Variants in DYM observed in about 807,000 individuals in gnomAD.
The protein encoded by DYM is dyggve-Melchior-Clausen syndrome protein.
DYM carries 78 observed loss-of-function variants against 93.1 expected under a neutral mutation model. The observed-to-expected ratio is 0.84, with a 90% CI of 0.70 to 1.01. The LOEUF is 1.01. Among genes scored for constraint, DYM ranks in the 50% least tolerant of loss-of-function variants. The probability of loss-of-function intolerance (pLI) is 0.00; values close to 1 mark genes in which losing one functional copy is unlikely to be tolerated. For missense variants in DYM, 789 were observed against 845.0 expected, an observed-to-expected ratio of 0.93 and a Z score of 0.82; for synonymous variants, 321 against 319.7, an observed-to-expected ratio of 1.00 and a Z score of -0.04.
At chr18:49,212,297 A>T (rs561911842) in intron 13 of DYM, among the ~76,000 whole-genome samples, 47 of 152,176 alleles carry the variant, frequency 3.1e-4, no homozygotes, top group Non-Finnish European at 6.6e-4. Context: ...TATCAATGTT[A>T]ATTTCCTGAT....
intron 6 of DYM, among the ~76,000 whole-genome samples, chr18:49,338,303 G>A (rs2063821377): frequency 6.6e-6 from 1 of 152,194 alleles, no homozygotes; most frequent in African/African-American, 2.4e-5. Flanking sequence ...GGACACAGTG[G>A]ATGATCTGAA....
chr18:49,114,184 T>C (rs1373391474), intron 16 of DYM, among the ~76,000 whole-genome samples: 1 of 152,258 alleles, frequency 6.6e-6, no homozygotes, highest in Non-Finnish European at 1.5e-5. Flanking sequence ...ATCTTTATTT[T>C]CTTATCTGTA....
intron 1 of DYM, among the ~76,000 whole-genome samples, chr18:49,440,895 A>ATATAATAT (rs2081332791): frequency 2.2e-5 from 1 of 45,348 alleles, no homozygotes; most frequent in African/African-American, 9.3e-5. Context: ...TATATAATAT[A>ATATAATAT]TTTATATAAA....
At chr18:49,339,187 C>T (rs1394236272) in intron 6 of DYM, among the ~76,000 whole-genome samples, 2 of 152,198 alleles carry the variant, frequency 1.3e-5, no homozygotes, top group South Asian at 2.1e-4. Flanking sequence ...GAATACTAAC[C>T]AGCATAGTCA....
At chr18:49,227,867 G>C (rs2093584312) in intron 13 of DYM, among the ~76,000 whole-genome samples, 1 of 147,942 alleles carries the variant, frequency 6.8e-6, no homozygotes, top group Non-Finnish European at 1.5e-5. Flanking sequence ...ACCTGCTGCT[G>C]ACTATCTGGA....
At chr18:49,266,199 C>G (rs1325126283) in intron 11 of DYM, among the ~76,000 whole-genome samples, 1 of 152,136 alleles carries the variant, frequency 6.6e-6, no homozygotes, top group Non-Finnish European at 1.5e-5. Context: ...ATGCTTCTCA[C>G]TAAGAAATAC....
At chr18:49,309,590 G>A (rs1161781499) in intron 8 of DYM, among the ~76,000 whole-genome samples, 4 of 152,070 alleles carry the variant, frequency 2.6e-5, no homozygotes, top group Admixed American at 6.6e-5. Flanking sequence ...AGCCATGATC[G>A]CACCACTGTG....
chr18:49,097,509 A>C lies in DYM; in HGVS notation c.1918T>G (p.Ser640Ala). 6.2e-7 allele frequency: 1 copy of C among 1,613,720 alleles called. No individual in the cohort carries two copies. The highest frequency in any genetic ancestry group is 8.5e-7 in the Non-Finnish European group (1 of 1,179,706). The part of the protein sequence containing the change: ...DIMQNIDLVI[S>A]FFSSRLLQAG... ...TGCAGCAACCTTGAGCTAAAGAAGG[A>C]GATCACCTGTAATGTAAAGTGTTAT... The change falls in exon 17 of 18, where the codon TCC (serine) becomes GCC (alanine). Residue 640 changes from serine (S) to alanine (A), a missense_variant. Transcript: ENST00000675505.
In DYM at chr18:49,039,527, C is replaced by T. The variant is rs1173593308; in HGVS notation, c.*4528G>A. Among the ~76,000 whole-genome samples the T allele has an allele frequency of 1.3e-5, 2 of 152,142 alleles. No individual in the cohort carries two copies. Among genetic ancestry groups the T allele is most frequent in the Non-Finnish European group, 2.9e-5 (2 of 68,014 alleles). Reference sequence around the variant, plus strand: ...CTCTTTTGAGATGCCAACTACCCTGCATGTCTGAGCAGGTCAGACATGCTC... The same window carrying T: ...CTCTTTTGAGATGCCAACTACCCTGTATGTCTGAGCAGGTCAGACATGCTC... On this transcript the variant is annotated 3_prime_UTR_variant, in exon 18 of 18. Coordinates refer to ENST00000675505, the MANE Select transcript of DYM (RefSeq NM_001353214.3).
At chr18:49,280,626 C>T (rs1252664498) in intron 10 of DYM, among the ~76,000 whole-genome samples, 1 of 152,176 alleles carries the variant, frequency 6.6e-6, no homozygotes, top group Admixed American at 6.5e-5. Flanking sequence ...GCCAGGGACG[C>T]TGCGGTGTCC....
In DYM at chr18:49,269,753, G is replaced by T. The variant is rs531044475; in HGVS notation, c.1251+2425C>A. Among the ~76,000 whole-genome samples, 19 of 152,240 alleles carry T rather than the reference G, an allele frequency of 1.2e-4. No individual in the cohort carries two copies. The South Asian group carries it at 3.1e-3, about 25-fold the overall frequency. ...TGTGGTGACTTTATAAAGTAAAAAA[G>T]TTCCAGTAAGCTAAGGGTAATTGAT... On this transcript the variant is annotated intron_variant, in intron 11 of 17. Coordinates refer to ENST00000675505, the MANE Select transcript of DYM (RefSeq NM_001353214.3).
chr18:49,088,647 A>C (rs1370074531), intron 17 of DYM, among the ~76,000 whole-genome samples: 1 of 152,166 alleles, frequency 6.6e-6, no homozygotes, highest in Non-Finnish European at 1.5e-5. Flanking sequence ...GTTACTCTAC[A>C]ACACTGAGTA....
intron 1 of DYM, among the ~76,000 whole-genome samples, chr18:49,441,106 T>TA (rs1288316096): frequency 2.3e-3 from 19 of 8,424 alleles, no homozygotes; most frequent in East Asian, 0.017. Context: ...TAAATATATA[T>TA]TAATATAAAT....
At chr18:49,392,418 G>A (rs2069370133) in intron 2 of DYM, among the ~76,000 whole-genome samples, 1 of 152,014 alleles carries the variant, frequency 6.6e-6, no homozygotes. Context: ...TCAACCCACA[G>A]AATGGAAAAC....
chr18:49,375,452 C>T (rs1305583052), intron 5 of DYM, among the ~76,000 whole-genome samples: 2 of 151,876 alleles, frequency 1.3e-5, no homozygotes, highest in South Asian at 2.1e-4. Flanking sequence ...CCCCCTATCC[C>T]CCAAAGTTAA....
At chr18:49,347,674 G>A (rs1599586221) in intron 6 of DYM, among the ~76,000 whole-genome samples, 1 of 151,982 alleles carries the variant, frequency 6.6e-6, no homozygotes, top group Non-Finnish European at 1.5e-5. Context: ...TCTTAAAAAG[G>A]AATTCAAAAG....
intron 16 of DYM, among the ~76,000 whole-genome samples, chr18:49,109,972 C>T (rs1183995450): frequency 6.6e-6 from 1 of 152,194 alleles, no homozygotes; most frequent in Admixed American, 6.5e-5. Context: ...ATGTTATAAA[C>T]CCCACAATAC....
intron 15 of DYM, among the ~76,000 whole-genome samples, chr18:49,159,499 C>T (rs2086839926): frequency 6.6e-6 from 1 of 152,086 alleles, no homozygotes; most frequent in Non-Finnish European, 1.5e-5. Flanking sequence ...CTTAGAATTC[C>T]ATATAGAATG....
intron 15 of DYM, among the ~76,000 whole-genome samples, chr18:49,136,639 A>C (rs535020517): frequency 1.3e-5 from 2 of 152,320 alleles, no homozygotes; most frequent in African/African-American, 4.8e-5. Context: ...CTTGGGAAGA[A>C]GTGTGTAGAA....
Sources: allele counts gnomAD v4.1 joint callset (sites outside exome capture counted in the v4.1 genomes callset), GRCh38; gene constraint gnomAD v4.1.1; transcripts MANE v1.5; gene names NCBI Gene and HGNC (gene_info 2026-07-23, HGNC 2026-07-21).